PTPRZ1: variants seen among roughly 807,000 people sequenced by gnomAD.
The protein encoded by PTPRZ1 is protein tyrosine phosphatase receptor type Z1.
Under a neutral mutation model 214.1 loss-of-function variants are expected in PTPRZ1, and 82 were observed. The observed-to-expected ratio is 0.38, with a 90% CI of 0.32 to 0.46. The LOEUF (loss-of-function observed/expected upper bound fraction) is 0.46. Ranked by LOEUF, PTPRZ1 falls within the 20% of genes least tolerant of loss-of-function variation. The probability of loss-of-function intolerance (pLI) is 1.00; values close to 1 mark genes in which losing one functional copy is unlikely to be tolerated. For missense variants in PTPRZ1, 2,603 were observed against 2,748.7 expected, an observed-to-expected ratio of 0.95 and a Z score of 1.19; for synonymous variants, 945 against 987.9, an observed-to-expected ratio of 0.96 and a Z score of 0.81.
chr7:121,984,391 C>T (rs891411717), intron 8 of PTPRZ1, among the ~76,000 whole-genome samples: 2 of 151,996 alleles, frequency 1.3e-5, no homozygotes, highest in Non-Finnish European at 2.9e-5. Context: ...CCAGAATACA[C>T]AGTAATAAGT....
intron 1 of PTPRZ1, among the ~76,000 whole-genome samples, chr7:121,926,822 A>G (rs912858239): frequency 6.6e-6 from 1 of 152,218 alleles, no homozygotes; most frequent in East Asian, 1.9e-4. Context: ...TAATAAAACT[A>G]TTGTAAAATA....
intron 2 of PTPRZ1, among the ~76,000 whole-genome samples, chr7:121,936,618 A>T (rs1433595755): frequency 6.6e-6 from 1 of 151,882 alleles, no homozygotes; most frequent in Non-Finnish European, 1.5e-5. Context: ...GTAGAAACAC[A>T]TCGAGGTTTG....
At chr7:122,014,947 T>C (rs903451067) in intron 12 of PTPRZ1, among the ~76,000 whole-genome samples, 1 of 152,242 alleles carries the variant, frequency 6.6e-6, no homozygotes, top group Non-Finnish European at 1.5e-5. Flanking sequence ...ATATGTACAG[T>C]ATGTATAGGT....
intron 1 of PTPRZ1, among the ~76,000 whole-genome samples, chr7:121,914,404 A>G (rs1315603998): frequency 6.6e-6 from 1 of 152,136 alleles, no homozygotes; most frequent in Non-Finnish European, 1.5e-5. Context: ...AGTAAGCTTT[A>G]TGTATAGAAA....
Position 121,976,864 on chromosome 7 carries a change from G to GA in PTPRZ1, c.619+13_619+14insA. 1.2e-6 allele frequency: 2 copies of GA among 1,605,290 alleles called. No homozygotes were observed. On this transcript the variant is annotated intron_variant, in intron 6 of 29. Transcript: ENST00000393386. Reference sequence around the variant, plus strand: ...GTTAGTCGTTTTGGTAAGCTACTTGGGGAACTATCTTTCTTCAGGATTCTG... The same window carrying GA: ...GTTAGTCGTTTTGGTAAGCTACTTGGAGGAACTATCTTTCTTCAGGATTCTG...
At chr7:121,935,095 T>TA (rs1353173504) in intron 2 of PTPRZ1, among the ~76,000 whole-genome samples, 1 of 152,216 alleles carries the variant, frequency 6.6e-6, no homozygotes, top group Non-Finnish European at 1.5e-5. Context: ...ACAATGTGTG[T>TA]TTGTTGATCA....
chr7:121,882,978 C>A (rs1298070551), intron 1 of PTPRZ1, among the ~76,000 whole-genome samples: 2 of 151,992 alleles, frequency 1.3e-5, no homozygotes, highest in South Asian at 2.1e-4. Flanking sequence ...GAAGATGTAG[C>A]ATGGAACACA....
rs540923780 is a variant in PTPRZ1, at chr7:121,881,557, G to A, written c.58+8000G>A. Among the ~76,000 whole-genome samples, 3 of 152,242 alleles carry A rather than the reference G, an allele frequency of 2.0e-5. No homozygotes were observed. In the South Asian group the frequency reaches 6.2e-4, roughly 32 times the overall value. ...ACTAATCTTAGTTCATTTTTCTTAA[G>A]GTGGAGATATTTGCAGGTCTTATGC... On this transcript the variant is annotated intron_variant, in intron 1 of 29. Transcript: ENST00000393386.
intron 9 of PTPRZ1, 126 bp downstream of exon 9, chr7:121,996,692 G>A: frequency 1.4e-6 from 1 of 690,970 alleles, no homozygotes; most frequent in Admixed American, 3.4e-5. Flanking sequence ...GGTGGGGTAG[G>A]CTGAGTATTT....
chr7:121,964,399 A>G (rs1260588175), intron 2 of PTPRZ1, among the ~76,000 whole-genome samples: 4 of 152,188 alleles, frequency 2.6e-5, no homozygotes, highest in Non-Finnish European at 4.4e-5. Context: ...AGTCAAGCGA[A>G]GGGGGAAGCC....
chr7:122,043,131 A>G (rs1375015977), intron 22 of PTPRZ1, among the ~76,000 whole-genome samples: 1 of 152,212 alleles, frequency 6.6e-6, no homozygotes, highest in Non-Finnish European at 1.5e-5. Context: ...ACAAACTTTT[A>G]TGCAAATAAA....
At chr7:121,908,245 C>T (rs936527356) in intron 1 of PTPRZ1, among the ~76,000 whole-genome samples, 1 of 152,008 alleles carries the variant, frequency 6.6e-6, no homozygotes, top group Non-Finnish European at 1.5e-5. Flanking sequence ...CTTATATGGT[C>T]AGGTTATACA....
At chr7:121,897,145 CTA>C (rs1794809530) in intron 1 of PTPRZ1, among the ~76,000 whole-genome samples, 1 of 152,136 alleles carries the variant, frequency 6.6e-6, no homozygotes, top group African/African-American at 2.4e-5. Flanking sequence ...ATGATAGACA[CTA>C]TTGTTGTTTT....
intron 12 of PTPRZ1, among the ~76,000 whole-genome samples, chr7:122,014,195 A>G (rs933050827): frequency 6.6e-6 from 1 of 152,146 alleles, no homozygotes; most frequent in Non-Finnish European, 1.5e-5. Flanking sequence ...TGTTTGCATA[A>G]TACATTTTTA....
intron 1 of PTPRZ1, among the ~76,000 whole-genome samples, chr7:121,895,922 C>T (rs1293115817): frequency 2.6e-5 from 4 of 152,168 alleles, no homozygotes; most frequent in Non-Finnish European, 2.9e-5. Flanking sequence ...GTTAGAATCC[C>T]CCTTTCTGCC....
chr7:121,892,748 A>G (rs1794679553), intron 1 of PTPRZ1, among the ~76,000 whole-genome samples: 1 of 132,214 alleles, frequency 7.6e-6, no homozygotes, highest in South Asian at 2.4e-4. Flanking sequence ...AATGTCTTGC[A>G]GTGACTCTTA....
chr7:122,049,375 A>G (rs1792100547), intron 23 of PTPRZ1, among the ~76,000 whole-genome samples: 1 of 152,096 alleles, frequency 6.6e-6, no homozygotes, highest in South Asian at 2.1e-4. Context: ...AAGGATTTGC[A>G]GATAGATAAT....
Position 121,983,773 on chromosome 7 carries a change from C to T in PTPRZ1, c.728C>T (p.Thr243Ile). 1.9e-6 allele frequency: 3 copies of T among 1,613,556 alleles called. No individual in the cohort carries two copies. The highest frequency in any genetic ancestry group is 2.5e-6 in the Non-Finnish European group (3 of 1,179,902). The change falls in exon 7 of 30, where the codon ACA (threonine) becomes ATA (isoleucine). Residue 243 changes from threonine to isoleucine, a missense_variant. By Grantham distance (89) the Thr-to-Ile change is moderately conservative. Transcript: ENST00000393386. ...TTGACATCTCCTCCCTGCACAGACA[C>T]AGTTGACTGGATTGTTTTTAAAGAT... ...GSLTSPPCTD[T>I]VDWIVFKDTV...
At chr7:121,953,405 G>A (rs1796615684) in intron 2 of PTPRZ1, among the ~76,000 whole-genome samples, 1 of 152,142 alleles carries the variant, frequency 6.6e-6, no homozygotes, top group Non-Finnish European at 1.5e-5. Context: ...AATGGAAAAG[G>A]CAAACAGGTC....
Sources: allele counts gnomAD v4.1 joint callset (sites outside exome capture counted in the v4.1 genomes callset), GRCh38; gene constraint gnomAD v4.1.1; transcripts MANE v1.5; gene names NCBI Gene and HGNC (gene_info 2026-07-23, HGNC 2026-07-21).